Variants in ADAMTS3 observed in about 807,000 individuals in gnomAD.
The protein encoded by ADAMTS3 is ADAM metallopeptidase with thrombospondin type 1 motif 3.
A neutral mutation model predicts 129.0 loss-of-function variants in ADAMTS3; 73 were observed. The observed-to-expected ratio is 0.57, with a 90% confidence interval of 0.47 to 0.69. ADAMTS3 has a LOEUF of 0.69. ADAMTS3 is among the 30% of genes least tolerant of loss of function. The pLI, the probability that ADAMTS3 is intolerant of heterozygous loss-of-function variation, is 0.00. For synonymous variants in ADAMTS3, 477 were observed against 510.8 expected (o/e 0.93, Z 0.89); for missense variants, 1,457 against 1,514.5 (o/e 0.96, Z 0.63).
At chr4:72,529,780 AT>A (rs1720919903) in intron 3 of ADAMTS3, among the ~76,000 whole-genome samples, 1 of 101,516 alleles carries the variant, frequency 9.9e-6, no homozygotes, top group Non-Finnish European at 1.8e-5. Flanking sequence ...GTTAATTAAT[AT>A]ATGATATAAT....
chr4:72,555,392 T>C (rs1560566127), intron 2 of ADAMTS3, among the ~76,000 whole-genome samples: 2 of 151,742 alleles, frequency 1.3e-5, no homozygotes, highest in African/African-American at 4.9e-5. Context: ...CAGTAGAGGA[T>C]CACTGTTTTC....
intron 3 of ADAMTS3, among the ~76,000 whole-genome samples, chr4:72,482,136 G>A (rs1057125717): frequency 1.3e-5 from 2 of 151,802 alleles, no homozygotes; most frequent in African/African-American, 4.8e-5. Flanking sequence ...ATACAATCCA[G>A]AAATTTCACT....
chr4:72,318,476 T>C, intron 10 of ADAMTS3, 96 bp downstream of exon 10: 2 of 1,309,570 alleles, frequency 1.5e-6, no homozygotes, highest in South Asian at 2.9e-5. Flanking sequence ...CTAGATATTA[T>C]TATACTTGCA....
chr4:72,466,933 G>A (rs1182478105), intron 3 of ADAMTS3, among the ~76,000 whole-genome samples: 1 of 151,876 alleles, frequency 6.6e-6, no homozygotes, highest in Non-Finnish European at 1.5e-5. Context: ...CTCCTCAATG[G>A]TCCATTAGAG....
chr4:72,477,371 C>G (rs139744028), intron 3 of ADAMTS3, among the ~76,000 whole-genome samples: 1 of 152,104 alleles, frequency 6.6e-6, no homozygotes, highest in Non-Finnish European at 1.5e-5. Flanking sequence ...CAAACTAGAA[C>G]TCAGGATTAA....
At position 72,364,606 on chromosome 4, in the gene ADAMTS3, T is replaced by A. The variant is rs1720820152; in HGVS notation, c.662-24913A>T. 2.1e-5 allele frequency among the ~76,000 whole-genome samples: 3 copies of A among 143,844 alleles called. No individual in the cohort carries two copies. The South Asian group carries it at 6.5e-4, about 31-fold the overall frequency. The allele number at this position is 143,844 out of a possible 152,430, so 94.4% of individuals were successfully genotyped here. A position where few individuals can be genotyped will look rare whatever the true frequency, so the allele number is the denominator to read the frequency against. Reference sequence around the variant, plus strand: ...TCCAGCCTGGGTGATAGAGCAAGACTCCGTTTAAAAAAAAAAAAAAATCAA... The same window carrying A: ...TCCAGCCTGGGTGATAGAGCAAGACACCGTTTAAAAAAAAAAAAAAATCAA... On this transcript the variant is annotated intron_variant, in intron 4 of 21. Coordinates refer to ENST00000286657, the MANE Select transcript of ADAMTS3 (RefSeq NM_014243.3).
chr4:72,442,079 G>A (rs766055739), intron 3 of ADAMTS3: 3 of 151,830 alleles, frequency 2.0e-5, no homozygotes, highest in Non-Finnish European at 2.9e-5. Context: ...GATCTAAAGA[G>A]CTGGAAGTGA....
At chr4:72,478,299 T>C (rs1719304794) in intron 3 of ADAMTS3, among the ~76,000 whole-genome samples, 1 of 151,606 alleles carries the variant, frequency 6.6e-6, no homozygotes, top group African/African-American at 2.4e-5. Context: ...CTCAATAAAA[T>C]ACTGGCAAAA....
chr4:72,518,314 T>C (rs1720553879), intron 3 of ADAMTS3, among the ~76,000 whole-genome samples: 1 of 152,214 alleles, frequency 6.6e-6, no homozygotes, highest in Non-Finnish European at 1.5e-5. Flanking sequence ...GTATATTCTG[T>C]TGATATGGGG....
rs1029979635 is a variant in ADAMTS3 at position 72,568,826 on chromosome 4, C to G, written c.-64G>C. ...AATGCCCAGAGCAAACCCACCCCCC[C>G]CGCCCAAAATAAGTTTCTTTAAGAA... On this transcript the variant is annotated 5_prime_UTR_variant, in exon 1 of 22. Transcript: ENST00000286657. 13 of 1,213,248 alleles carry G rather than the reference C, an allele frequency of 1.1e-5. 1 individual carries two copies. The highest frequency in any genetic ancestry group is 2.2e-4 in the Middle Eastern group (1 of 4,574). 75.2% of individuals were successfully genotyped at this position (1,213,248 alleles called of 1,614,324 possible).
intron 4 of ADAMTS3, among the ~76,000 whole-genome samples, chr4:72,352,152 T>C (rs906982867): frequency 6.6e-6 from 1 of 151,950 alleles, no homozygotes; most frequent in Admixed American, 6.6e-5. Flanking sequence ...TCAATTCAAA[T>C]TGAGGAATGA....
At chr4:72,373,817 T>G in intron 4 of ADAMTS3, among the ~76,000 whole-genome samples, 1 of 151,736 alleles carries the variant, frequency 6.6e-6, no homozygotes. Context: ...GGAGGATAAC[T>G]TGAGCCTGGG....
In ADAMTS3 at chr4:72,320,776, G is replaced by A. The variant is rs1299557107; in HGVS notation, c.1040C>T (p.Ser347Phe). The part of the protein sequence containing the change: ...SQQQRSDLNH[S>F]EHHDHAIFLT... ...AAAAATTGCATGGTCATGGTGTTCA[G>A]AGTGGTTGAGATCAGATCTTTGCTG... Residue 347 changes from serine to phenylalanine, a missense_variant, in exon 7 of 22, where the codon TCT (serine) becomes TTT (phenylalanine). By Grantham distance (155) the Ser-to-Phe change is radical. Transcript: ENST00000286657. 3 of 1,613,900 alleles carry A rather than the reference G, an allele frequency of 1.9e-6. No individual in the cohort carries two copies. Among genetic ancestry groups the A allele is most frequent in the African/African-American group, 1.3e-5 (1 of 74,914 alleles).
At chr4:72,446,960 G>T (rs183025346) in intron 3 of ADAMTS3, among the ~76,000 whole-genome samples, 2 of 151,696 alleles carry the variant, frequency 1.3e-5, no homozygotes, top group African/African-American at 4.8e-5. Context: ...GGAAAGAAAA[G>T]AAACAACAAA....
chr4:72,397,229 T>C (rs1721747420), intron 4 of ADAMTS3, among the ~76,000 whole-genome samples: 1 of 152,180 alleles, frequency 6.6e-6, no homozygotes, highest in African/African-American at 2.4e-5. Context: ...AATAGGGTTC[T>C]TCATAATCTG....
intron 2 of ADAMTS3, among the ~76,000 whole-genome samples, chr4:72,561,260 T>C (rs568068444): frequency 3.9e-4 from 59 of 151,762 alleles, no homozygotes; most frequent in South Asian, 1.5e-3. Flanking sequence ...AGGCAGAGAA[T>C]TGCTTGAACC....
chr4:72,529,366 G>C (rs1253951179), intron 3 of ADAMTS3, among the ~76,000 whole-genome samples: 3 of 151,974 alleles, frequency 2.0e-5, no homozygotes, highest in Non-Finnish European at 1.5e-5. Flanking sequence ...TACTGAGTCA[G>C]AAAGTCTGTG....
intron 10 of ADAMTS3, among the ~76,000 whole-genome samples, chr4:72,317,659 A>G (rs1719434526): frequency 1.3e-5 from 2 of 152,162 alleles, no homozygotes; most frequent in African/African-American, 4.8e-5. Flanking sequence ...TATCAGATAC[A>G]TACTATCATT....
chr4:72,371,542 A>G (rs906401074), intron 4 of ADAMTS3, among the ~76,000 whole-genome samples: 1 of 151,728 alleles, frequency 6.6e-6, no homozygotes, highest in Non-Finnish European at 1.5e-5. Context: ...ACTAAAAACA[A>G]AAAATATATA....
Sources: gnomAD v4.1 joint callset for allele counts (sites outside exome capture counted in the v4.1 genomes callset) on GRCh38, gnomAD v4.1.1 for gene constraint, MANE v1.5 for transcripts, NCBI Gene and HGNC (gene_info 2026-07-23, HGNC 2026-07-21) for gene names.